The following SIK3 variants were observed in gnomAD, a reference collection of about 807,000 sequenced individuals.
The protein encoded by SIK3 is SIK family kinase 3.
SIK3 carries 28 observed loss-of-function variants against 144.2 expected under a neutral mutation model. That is an observed-to-expected ratio of 0.19 (90% CI 0.14 to 0.27). The LOEUF (loss-of-function observed/expected upper bound fraction) is 0.27, where lower values mean the gene tolerates loss of function less well. SIK3 is among the 10% of genes least tolerant of loss of function. SIK3 has a pLI of 1.00. For missense variants in SIK3, 1,319 were observed against 1,776.0 expected, an observed-to-expected ratio of 0.74 and a Z score of 4.62; for synonymous variants, 686 against 676.3, an observed-to-expected ratio of 1.01 and a Z score of -0.22.
In SIK3 at chr11:116,935,370, AAC is replaced by A. The variant is rs1340478783; in HGVS notation, c.455-7992_455-7991del. On this transcript the variant is annotated intron_variant, in intron 3 of 24. Transcript: ENST00000445177. ...AGAAGAGACTATAAGCTTTTACAAA[AAC>A]ACTTTTTTTACTCTTCATTTTGCTA... is the stretch of plus-strand genomic sequence containing the variant. Among the ~76,000 whole-genome samples, 42 of 152,070 alleles carry A rather than the reference AAC, an allele frequency of 2.8e-4. 1 individual carries two copies. Among genetic ancestry groups the A allele is most frequent in the Admixed American group, 1.2e-3 (18 of 15,260 alleles).
At chr11:116,861,964 A>T in intron 17 of SIK3, 38 bp from the exon 18 acceptor site, 1 of 1,458,558 alleles carries the variant, frequency 6.9e-7, no homozygotes, top group Non-Finnish European at 9.5e-7. Context: ...AATTATTGTG[A>T]GCTTGAAGAT....
At chr11:116,981,880 A>T (rs568924026) in intron 1 of SIK3, among the ~76,000 whole-genome samples, 3 of 152,306 alleles carry the variant, frequency 2.0e-5, no homozygotes, top group African/African-American at 7.2e-5. Context: ...AGAGATATGA[A>T]TTTGATTCTC....
Position 117,047,863 on chromosome 11 carries a change from G to A in SIK3, c.273+50280C>T, listed in dbSNP as rs192426944. Reference sequence around the variant, plus strand: ...GTTATTCAATGAGAACATCTAGATCGTACTGATTTTTTTCTAATCAAATGA... The same window carrying A: ...GTTATTCAATGAGAACATCTAGATCATACTGATTTTTTTCTAATCAAATGA... On this transcript the variant is annotated intron_variant, in intron 1 of 24. Transcript: ENST00000445177. 3.1e-3 allele frequency among the ~76,000 whole-genome samples: 473 copies of A among 152,170 alleles called. 1 individual carries two copies. The highest frequency in any genetic ancestry group is 0.011 in the African/African-American group (444 of 41,518).
chr11:116,909,492 G>A (rs1283701098), intron 4 of SIK3, among the ~76,000 whole-genome samples: 2 of 152,234 alleles, frequency 1.3e-5, no homozygotes, highest in African/African-American at 4.8e-5. Flanking sequence ...TTTGCTTCTA[G>A]TGATTCACTA....
chr11:116,894,256 C>A (rs1945280135), intron 6 of SIK3, among the ~76,000 whole-genome samples: 1 of 152,170 alleles, frequency 6.6e-6, no homozygotes, highest in East Asian at 1.9e-4. Context: ...GACCTCTTCT[C>A]TTCTCTGTAA....
rs373857167 is a variant in SIK3, at chr11:116,943,959, A to G, written c.454+10085T>C. 3.5e-4 allele frequency among the ~76,000 whole-genome samples: 53 copies of G among 152,256 alleles called. 1 individual carries two copies. In the East Asian group the frequency reaches 6.2e-3, roughly 18 times the overall value. ...TGAAAATCAGTAACTTACTTTAACCAAATACATCAAAAGATCATTTCAGAA... is the reference window on the plus strand; with the variant it reads ...TGAAAATCAGTAACTTACTTTAACCGAATACATCAAAAGATCATTTCAGAA... On this transcript the variant is annotated intron_variant, in intron 3 of 24. Transcript: ENST00000445177.
chr11:117,082,876 C>A (rs1053327173), intron 1 of SIK3, among the ~76,000 whole-genome samples: 14 of 152,076 alleles, frequency 9.2e-5, no homozygotes, highest in African/African-American at 3.4e-4. Context: ...AAAACTGGAA[C>A]CAGAAACATC....
At chr11:117,003,953 G>A (rs1046888748) in intron 1 of SIK3, among the ~76,000 whole-genome samples, 1 of 152,162 alleles carries the variant, frequency 6.6e-6, no homozygotes, top group Non-Finnish European at 1.5e-5. Flanking sequence ...TGCTACTGCT[G>A]CCTTCGTCTG....
At chr11:117,085,618 A>G (rs1954971109) in intron 1 of SIK3, among the ~76,000 whole-genome samples, 1 of 152,256 alleles carries the variant, frequency 6.6e-6, no homozygotes, top group Non-Finnish European at 1.5e-5. Flanking sequence ...CGACAGGCAC[A>G]TAGGGGTTCA....
chr11:117,087,165 T>C (rs1349369573), intron 1 of SIK3, among the ~76,000 whole-genome samples: 1 of 151,884 alleles, frequency 6.6e-6, no homozygotes, highest in African/African-American at 2.4e-5. Flanking sequence ...CTTGGCCGGG[T>C]GCGGTGGCTC....
At chr11:116,928,850 G>A (rs962319578) in intron 3 of SIK3, among the ~76,000 whole-genome samples, 8 of 152,186 alleles carry the variant, frequency 5.3e-5, no homozygotes, top group South Asian at 2.1e-4. Flanking sequence ...ATTTTTGTTC[G>A]CCACACACAA....
At chr11:116,999,511 G>C (rs1950779498) in intron 1 of SIK3, among the ~76,000 whole-genome samples, 2 of 152,204 alleles carry the variant, frequency 1.3e-5, no homozygotes, top group African/African-American at 4.8e-5. Flanking sequence ...TCAGTTTGAA[G>C]TGCAACATAT....
At chr11:117,057,538 C>G (rs1953593236) in intron 1 of SIK3, among the ~76,000 whole-genome samples, 1 of 152,174 alleles carries the variant, frequency 6.6e-6, no homozygotes, top group Admixed American at 6.5e-5. Context: ...CTACTCCATG[C>G]CAGGCTCCGT....
At chr11:117,066,162 G>A (rs771838071) in intron 1 of SIK3, among the ~76,000 whole-genome samples, 8 of 149,558 alleles carry the variant, frequency 5.3e-5, no homozygotes, top group East Asian at 2.0e-4. Context: ...CTCCGCCTCC[G>A]GATTCAAGTG....
intron 1 of SIK3, among the ~76,000 whole-genome samples, chr11:117,091,485 C>T (rs1456218833): frequency 6.6e-6 from 1 of 152,078 alleles, no homozygotes; most frequent in East Asian, 1.9e-4. Flanking sequence ...GAATTACAGG[C>T]GTGAGCCACC....
At chr11:117,098,002 C>T (rs1591706135) in intron 1 of SIK3, 141 bp downstream of exon 1, 1 of 1,122,788 alleles carries the variant, frequency 8.9e-7, no homozygotes, top group Non-Finnish European at 1.1e-6. Context: ...CCCGCCCCGC[C>T]GCGGCTGGCT....
chr11:116,873,585 G>C lies in SIK3; in HGVS notation c.1633C>G (p.Pro545Ala), dbSNP rs376478934. 47 of 1,603,130 alleles carry C rather than the reference G, an allele frequency of 2.9e-5. No individual in the cohort carries two copies. The highest frequency in any genetic ancestry group is 4.0e-5 in the Non-Finnish European group (47 of 1,175,652). Residue 545 changes from proline (P) to alanine (A), a missense_variant, in exon 13 of 25, where the codon CCC becomes GCC. By Grantham distance (27) the Pro-to-Ala change is conservative. This residue lies in a region of SIK3 where 167 missense variants were observed against 263.3 expected (regional missense o/e 0.63). Transcript: ENST00000445177. ...PTLQLLNGMG[P>A]LGRRASDGGA... ...CCATCTGATGCCCTCCGGCCAAGGG[G>C]GCCCATTCCATTCAACAGCTGTAGC...
intron 7 of SIK3, 151 bp downstream of exon 7, chr11:116,876,773 C>T (rs1233366598): frequency 1.5e-6 from 1 of 669,384 alleles, no homozygotes; most frequent in Non-Finnish European, 2.7e-6. Flanking sequence ...GTTTTACATT[C>T]CTTCTTGCTT....
intron 1 of SIK3, among the ~76,000 whole-genome samples, chr11:116,969,763 G>GA (rs1246800259): frequency 6.6e-6 from 1 of 152,094 alleles, no homozygotes; most frequent in Non-Finnish European, 1.5e-5. Context: ...ACATAAGACA[G>GA]AAAAAAGAGT....
Sources: allele counts gnomAD v4.1 joint callset (sites outside exome capture counted in the v4.1 genomes callset), GRCh38; gene constraint gnomAD v4.1.1; regional missense constraint gnomAD v4.1.1; transcripts MANE v1.5; gene names NCBI Gene and HGNC (gene_info 2026-07-23, HGNC 2026-07-21).